The following GALNT14 variants were observed in gnomAD, a reference collection of about 807,000 sequenced individuals.
The protein encoded by GALNT14 is UDP-GalNAc:polypeptide N-acetylgalactosaminyltransferase 14.
In GALNT14, 60 loss-of-function variants were observed where a neutral mutation model predicts 77.5. The observed-to-expected ratio is 0.77, with a 90% CI of 0.63 to 0.96. The LOEUF (loss-of-function observed/expected upper bound fraction) is 0.96, where lower values mean the gene tolerates loss of function less well. Ranked by LOEUF, GALNT14 falls within the 40% of genes least tolerant of loss-of-function variation. The pLI is 0.00. For synonymous variants in GALNT14, 280 were observed against 281.7 expected, an observed-to-expected ratio of 0.99 and a Z score of 0.06; for missense variants, 710 against 731.0, an observed-to-expected ratio of 0.97 and a Z score of 0.33.
chr2:30,990,529 G>A (rs1669634009), intron 2 of GALNT14, among the ~76,000 whole-genome samples: 2 of 152,250 alleles, frequency 1.3e-5, no homozygotes, highest in African/African-American at 4.8e-5. Context: ...GAAGAAAACA[G>A]GGCTTTGCTG....
At chr2:30,953,225 C>T (rs376437997) in intron 6 of GALNT14, among the ~76,000 whole-genome samples, 27 of 151,626 alleles carry the variant, frequency 1.8e-4, no homozygotes, top group African/African-American at 6.3e-4. Flanking sequence ...GTTCCTGCTG[C>T]GGAGTAGAGT....
At chr2:30,899,403 C>T in the GALNT14 span, among the ~76,000 whole-genome samples, 1 of 152,212 alleles carries the variant, frequency 6.6e-6, no homozygotes, top group Non-Finnish European at 1.5e-5. Flanking sequence ...CTCACCGCTC[C>T]TTGCTGCATC....
intron 1 of GALNT14, chr2:31,129,362 GA>G (rs1012318296): frequency 3.0e-6 from 3 of 985,052 alleles, no homozygotes; most frequent in African/African-American, 1.7e-5. Flanking sequence ...AAGTGGTGGG[GA>G]AAAAAGCTAC....
intron 8 of GALNT14, among the ~76,000 whole-genome samples, chr2:30,943,341 G>T (rs899038284): frequency 2.6e-5 from 4 of 152,210 alleles, no homozygotes; most frequent in African/African-American, 9.7e-5. Context: ...GGCTGGATAG[G>T]TGGGCAAGCC....
intron 1 of GALNT14, among the ~76,000 whole-genome samples, chr2:30,997,302 T>G (rs1033610927): frequency 6.6e-6 from 1 of 152,184 alleles, no homozygotes; most frequent in Non-Finnish European, 1.5e-5. Flanking sequence ...GAGGGCACAG[T>G]GTGGGGTGTT....
downstream of GALNT14, among the ~76,000 whole-genome samples, chr2:30,907,348 A>C (rs1440417998): frequency 6.6e-6 from 1 of 152,116 alleles, no homozygotes; most frequent in Non-Finnish European, 1.5e-5. Context: ...GAAGAATCTA[A>C]TAGACGCAAT....
chr2:31,037,340 A>G (rs1672801304), intron 1 of GALNT14, among the ~76,000 whole-genome samples: 1 of 152,208 alleles, frequency 6.6e-6, no homozygotes, highest in Admixed American at 6.5e-5. Context: ...CTTTAAATCA[A>G]TAATTTTACC....
intron 2 of GALNT14, among the ~76,000 whole-genome samples, chr2:30,989,460 C>G (rs1244291431): frequency 6.6e-6 from 1 of 150,532 alleles, no homozygotes; most frequent in Non-Finnish European, 1.5e-5. Flanking sequence ...GAAACCTCTC[C>G]TTCCATTCCT....
At chr2:30,966,358 A>G in intron 2 of GALNT14, 56 bp from the exon 3 acceptor site, 1 of 1,358,346 alleles carries the variant, frequency 7.4e-7, no homozygotes, top group South Asian at 1.2e-5. Context: ...GCATATCTGG[A>G]GGGCTAGAAC....
At chr2:30,968,951 C>T (rs192130334) in intron 2 of GALNT14, among the ~76,000 whole-genome samples, 1 of 152,162 alleles carries the variant, frequency 6.6e-6, no homozygotes, top group Non-Finnish European at 1.5e-5. Flanking sequence ...TGAGGTGGAA[C>T]CAGGGTTGAG....
chr2:30,924,920 G>A lies in GALNT14; in HGVS notation c.1152-97C>T, dbSNP rs567239377. 3.0e-5 allele frequency: 27 copies of A among 895,326 alleles called. No homozygotes were observed. In the East Asian group the frequency reaches 5.4e-4, roughly 18 times the overall value. 55.5% of individuals were successfully genotyped at this position (895,326 alleles called of 1,614,324 possible). ...AGTCCAGACTGAGAACACAAAGCGC[G>A]ACCCATGCCCATGCTCTGTGCTCAC... On this transcript the variant is annotated intron_variant, in intron 11 of 14. Transcript: ENST00000349752.
the GALNT14 span, among the ~76,000 whole-genome samples, chr2:30,900,193 CA>C: frequency 6.6e-6 from 1 of 152,194 alleles, no homozygotes; most frequent in African/African-American, 2.4e-5. Flanking sequence ...AGATGAAATA[CA>C]GGGCTTCCCC....
intron 1 of GALNT14, among the ~76,000 whole-genome samples, chr2:31,057,313 AT>A: frequency 6.9e-6 from 1 of 144,034 alleles, no homozygotes; most frequent in Middle Eastern, 3.7e-3. Flanking sequence ...ATATATATAT[AT>A]ATAAAATTAT....
In GALNT14 at chr2:30,934,753, G is replaced by A. The variant is rs150797487; in HGVS notation, c.932-2559C>T. ...TGTTCTTCTCCTACATCCCCTCAAC[G>A]CTCTGCCTCTGAGCATTTTCCTGAC... is the stretch of plus-strand genomic sequence containing the variant. On this transcript the variant is annotated intron_variant, in intron 9 of 14. Coordinates refer to ENST00000349752, the MANE Select transcript of GALNT14 (RefSeq NM_024572.4). Among the ~76,000 whole-genome samples, 11 of 152,060 alleles carry A rather than the reference G, an allele frequency of 7.2e-5. No homozygotes were observed. The East Asian group carries it at 2.1e-3, about 29-fold the overall frequency.
intron 1 of GALNT14, among the ~76,000 whole-genome samples, chr2:31,002,173 A>C (rs1356917728): frequency 6.6e-6 from 1 of 152,204 alleles, no homozygotes; most frequent in Non-Finnish European, 1.5e-5. Flanking sequence ...TCACCCCTGT[A>C]ATCCCAGCAC....
At chr2:31,071,767 G>C (rs774583978) in intron 1 of GALNT14, among the ~76,000 whole-genome samples, 3 of 152,210 alleles carry the variant, frequency 2.0e-5, no homozygotes, top group Admixed American at 6.5e-5. Flanking sequence ...CCCAACAGTG[G>C]GTTTCTGGGC....
intron 11 of GALNT14, among the ~76,000 whole-genome samples, chr2:30,928,332 A>G (rs1344392839): frequency 2.6e-5 from 4 of 152,228 alleles, no homozygotes; most frequent in Non-Finnish European, 4.4e-5. Context: ...GGTTGCCCCC[A>G]AAGAAACATA....
intron 1 of GALNT14, chr2:31,078,927 G>A (rs1675983757): frequency 6.2e-6 from 8 of 1,289,310 alleles, no homozygotes; most frequent in Non-Finnish European, 8.1e-6. Flanking sequence ...ATTCAGTTCT[G>A]ACTCACTGGA....
the GALNT14 span, among the ~76,000 whole-genome samples, chr2:30,896,109 A>G: frequency 1.3e-5 from 2 of 152,218 alleles, no homozygotes; most frequent in Non-Finnish European, 2.9e-5. Context: ...TAAAAGAGTG[A>G]ACATAAAACA....
Sources: allele counts gnomAD v4.1 joint callset (sites outside exome capture counted in the v4.1 genomes callset), GRCh38; gene constraint gnomAD v4.1.1; transcripts MANE v1.5; gene names NCBI Gene and HGNC (gene_info 2026-07-23, HGNC 2026-07-21).